SLC22A23: variants seen among roughly 807,000 people sequenced by gnomAD.
The protein encoded by SLC22A23 is ion transporter protein.
In SLC22A23, 26 loss-of-function variants were observed where a neutral mutation model predicts 61.0. The ratio of observed to expected loss-of-function variants is 0.43; its 90% CI spans 0.31 to 0.59. The LOEUF is 0.59. Ranked by LOEUF, SLC22A23 falls within the 20% of genes least tolerant of loss-of-function variation. SLC22A23 has a pLI of 0.11. For missense variants in SLC22A23, 796 were observed against 934.7 expected (o/e 0.85, Z 1.94); for synonymous variants, 430 against 413.9 (o/e 1.04, Z -0.47).
intron 1 of SLC22A23, among the ~76,000 whole-genome samples, chr6:3,418,522 C>T (rs1407936667): frequency 1.3e-5 from 2 of 152,186 alleles, no homozygotes. Context: ...ATTAACAGTG[C>T]CACAGTGGAA....
chr6:3,293,330 C>T (rs947743549), intron 5 of SLC22A23, among the ~76,000 whole-genome samples: 1 of 152,222 alleles, frequency 6.6e-6, no homozygotes, highest in Non-Finnish European at 1.5e-5. Context: ...ACACCAAACG[C>T]TCCAAGGAGG....
chr6:3,289,650 AC>A, intron 6 of SLC22A23, 113 bp downstream of exon 6: 2 of 812,150 alleles, frequency 2.5e-6, no homozygotes, highest in Non-Finnish European at 3.9e-6. Context: ...TCACACACAC[AC>A]CCTTAGGATT....
chr6:3,440,116 T>C (rs553128184), intron 1 of SLC22A23, among the ~76,000 whole-genome samples: 6 of 152,156 alleles, frequency 3.9e-5, no homozygotes, highest in Admixed American at 6.5e-5. Flanking sequence ...AAGGCACAGA[T>C]AAGATCAGGT....
At chr6:3,334,840 C>A (rs1310223843) in intron 3 of SLC22A23, among the ~76,000 whole-genome samples, 1 of 152,224 alleles carries the variant, frequency 6.6e-6, no homozygotes, top group Non-Finnish European at 1.5e-5. Flanking sequence ...TCTGCAGCTG[C>A]TGATCCTTGT....
Position 3,327,489 on chromosome 6 carries a change from A to G in SLC22A23, c.914-3487T>C, listed in dbSNP as rs540334437. 1.3e-5 allele frequency among the ~76,000 whole-genome samples: 2 copies of G among 152,354 alleles called. No individual in the cohort carries two copies. The highest frequency in any genetic ancestry group is 4.1e-4 in the South Asian group (2 of 4,828). ...GCATCAAAGATTCAAACATTAAACT[A>G]TCTCAAGTGGCCAGCATGTAGCACT... On this transcript the variant is annotated intron_variant, in intron 3 of 9. Transcript: ENST00000406686. This position sits in a 1 kb window ranked among gnomAD's most constrained non-coding sequence, Gnocchi z 4.1.
At chr6:3,401,437 ACTTT>A (rs10555293) in intron 3 of SLC22A23, among the ~76,000 whole-genome samples, 23,151 of 152,064 alleles carry the variant, frequency 0.15, 3,903 homozygotes, top group African/African-American at 0.42. Flanking sequence ...AAAAAATATA[ACTTT>A]CTTTCTAAAA....
At chr6:3,312,339 T>C (rs1374690021) in intron 4 of SLC22A23, 1 of 152,226 alleles carries the variant, frequency 6.6e-6, no homozygotes, top group African/African-American at 2.4e-5. Flanking sequence ...GCAGAAAATA[T>C]AAGGCACACA....
At chr6:3,310,684 C>T (rs1357191398) in intron 4 of SLC22A23, among the ~76,000 whole-genome samples, 2 of 152,142 alleles carry the variant, frequency 1.3e-5, no homozygotes, top group Non-Finnish European at 2.9e-5. Flanking sequence ...GATCATTTTT[C>T]CTTGACATCT....
At chr6:3,352,503 A>G (rs760024179) in intron 3 of SLC22A23, among the ~76,000 whole-genome samples, 4 of 152,170 alleles carry the variant, frequency 2.6e-5, no homozygotes, top group Non-Finnish European at 5.9e-5. Flanking sequence ...TTGCAGACAC[A>G]CAAATACACA....
Position 3,283,982 on chromosome 6 carries a change from G to A in SLC22A23, c.1580-7C>T, listed in dbSNP as rs1561864132. 8 of 1,598,518 alleles carry A rather than the reference G, an allele frequency of 5.0e-6. No homozygotes were observed. Among genetic ancestry groups the A allele is most frequent in the South Asian group, 1.1e-5 (1 of 90,182 alleles). On this transcript the variant is annotated splice_region_variant and splice_polypyrimidine_tract_variant and intron_variant, in intron 8 of 9. Transcript: ENST00000406686. Reference sequence around the variant, plus strand: ...TTGACGCTGTCACTCATCCCTGGGGGAAGGTCAGAAGAAGGTGGTGAGGGA... The same window carrying A: ...TTGACGCTGTCACTCATCCCTGGGGAAAGGTCAGAAGAAGGTGGTGAGGGA...
intron 3 of SLC22A23, among the ~76,000 whole-genome samples, chr6:3,349,319 C>T (rs1453316122): frequency 1.3e-5 from 2 of 152,160 alleles, no homozygotes; most frequent in Non-Finnish European, 2.9e-5. Flanking sequence ...TTTCTTCCTC[C>T]CCACTTCCTG....
intron 3 of SLC22A23, among the ~76,000 whole-genome samples, chr6:3,402,348 A>G (rs995512731): frequency 7.7e-5 from 10 of 129,952 alleles, no homozygotes; most frequent in Non-Finnish European, 1.5e-4. Flanking sequence ...CCTTAAGGTC[A>G]TGGAGGATAG....
chr6:3,287,026 G>C lies in SLC22A23; in HGVS notation c.1379C>G (p.Pro460Arg). 6.2e-7 allele frequency: 1 copy of C among 1,614,202 alleles called. No homozygotes were observed. Among genetic ancestry groups the C allele is most frequent in the Non-Finnish European group, 8.5e-7 (1 of 1,180,042 alleles). ...RSMMGHEVKV[P>R]LLENFYADYY... ...GTCAGCATAGAAGTTCTCCAGGAGC[G>C]GCACCTTCACCTCGTGGCCCATCAT... is the stretch of plus-strand genomic sequence containing the variant. The change falls in exon 7 of 10, where the codon CCG (proline) becomes CGG (arginine). Residue 460 changes from proline to arginine, a missense_variant. Coordinates refer to ENST00000406686, the MANE Select transcript of SLC22A23 (RefSeq NM_015482.2).
At chr6:3,375,782 A>T (rs907729949) in intron 3 of SLC22A23, among the ~76,000 whole-genome samples, 11 of 152,216 alleles carry the variant, frequency 7.2e-5, no homozygotes, top group African/African-American at 2.7e-4. Context: ...GCAAAGACCA[A>T]TTTCTGGTTT....
At chr6:3,398,802 G>A (rs1380235962) in intron 3 of SLC22A23, among the ~76,000 whole-genome samples, 1 of 151,972 alleles carries the variant, frequency 6.6e-6, no homozygotes, top group East Asian at 1.9e-4. Flanking sequence ...GGCCGAGATG[G>A]GAGAACTGCT....
rs1180791460 is a variant in SLC22A23 at position 3,450,134 on chromosome 6, TG to T, written c.654+5771del. 2.6e-5 allele frequency among the ~76,000 whole-genome samples: 4 copies of T among 152,304 alleles called. No individual in the cohort carries two copies. In the East Asian group the frequency reaches 5.8e-4, roughly 22 times the overall value. Reference sequence around the variant, plus strand: ...CATGGTTGCTTCTGAAGAGGGAAACTGGGGGCAGAGACAGAAAGAAATGTTA... The same window carrying T: ...CATGGTTGCTTCTGAAGAGGGAAACTGGGGCAGAGACAGAAAGAAATGTTA... On this transcript the variant is annotated intron_variant, in intron 1 of 9. Transcript: ENST00000406686.
rs1250257470 is a variant in SLC22A23 at position 3,456,910 on chromosome 6, C to A, written c.-351G>T. 2 of 148,946 alleles carry A rather than the reference C, an allele frequency of 1.3e-5. No homozygotes were observed. The highest frequency in any genetic ancestry group is 4.9e-5 in the African/African-American group (2 of 41,048). 9.2% of individuals were successfully genotyped at this position (148,946 alleles called of 1,614,324 possible). A position where few individuals can be genotyped will look rare whatever the true frequency, so the allele number is the denominator to read the frequency against. The stretch of plus-strand genomic sequence containing the variant: ...ACGCGGCAGGAGGAGGAGCCGGCGC[C>A]GCGCCCGGCCCGCGCCCTTGCCGGC... On this transcript the variant is annotated 5_prime_UTR_variant, in exon 1 of 10. Transcript: ENST00000406686. The surrounding 1 kb of genome is among the most constrained non-coding windows in gnomAD (Gnocchi z 7.1).
chr6:3,286,871 C>T lies in SLC22A23; in HGVS notation c.1534G>A (p.Gly512Ser), dbSNP rs1240153588. Residue 512 changes from glycine to serine, a missense_variant, in exon 7 of 10, where the codon GGC (glycine) becomes AGC (serine). Transcript: ENST00000406686. The surrounding 1 kb of genome is among the most constrained non-coding windows in gnomAD (Gnocchi z 4.2). ...CCGACCCACTCACGGTTGAGGAGGC[C>T]GAGCTGCAGGAGTGAGGCCAGGGCG... ...LTALASLLQL[G>S]LLNLIGKYSQ... 3.1e-5 allele frequency: 49 copies of T among 1,598,916 alleles called. No individual in the cohort carries two copies. Among genetic ancestry groups the T allele is most frequent in the Non-Finnish European group, 4.2e-5 (49 of 1,173,446 alleles).
chr6:3,345,363 CTTT>C (rs1163840651), intron 3 of SLC22A23, among the ~76,000 whole-genome samples: 4 of 124,752 alleles, frequency 3.2e-5, no homozygotes, highest in Admixed American at 1.7e-4. Context: ...TATCTCTTTT[CTTT>C]TTTTTTTTTT....
Sources: gnomAD v4.1 joint callset for allele counts (sites outside exome capture counted in the v4.1 genomes callset) on GRCh38, gnomAD v4.1.1 for gene constraint, Gnocchi (gnomAD v3.1) non-coding constraint, MANE v1.5 for transcripts, NCBI Gene and HGNC (gene_info 2026-07-23, HGNC 2026-07-21) for gene names.